The following PRELID2 variants were observed in gnomAD, a reference collection of about 807,000 sequenced individuals.
The protein encoded by PRELID2 is PRELI domain containing 2.
In PRELID2, 25 loss-of-function variants were observed where a neutral mutation model predicts 28.4. The observed-to-expected ratio is 0.88, with a 90% confidence interval of 0.64 to 1.23. The LOEUF (loss-of-function observed/expected upper bound fraction) is 1.23. PRELID2 is among the 50% of genes most tolerant of loss of function. PRELID2 has a pLI of 0.00. For missense variants in PRELID2, 201 were observed against 214.4 expected, an observed-to-expected ratio of 0.94 and a Z score of 0.39; for synonymous variants, 76 against 71.6, an observed-to-expected ratio of 1.06 and a Z score of -0.31.
chr5:145,475,246 T>C (rs1752090033), intron 1 of PRELID2, among the ~76,000 whole-genome samples: 1 of 152,228 alleles, frequency 6.6e-6, no homozygotes. Context: ...GAGGCCAACA[T>C]TCAAGTGATC....
intron 4 of PRELID2, among the ~76,000 whole-genome samples, chr5:145,811,313 G>C (rs140272768): frequency 6.6e-6 from 1 of 152,020 alleles, no homozygotes; most frequent in East Asian, 1.9e-4. Flanking sequence ...ACCATATCAG[G>C]GGTCTTGCTC....
At chr5:145,229,312 G>T in the PRELID2 span, 2 of 745,952 alleles carry the variant, frequency 2.7e-6, no homozygotes, top group Non-Finnish European at 5.0e-6. Context: ...AATATGCAAA[G>T]CAACACGGGA....
chr5:145,680,937 G>A (rs1754920308), intron 1 of PRELID2, among the ~76,000 whole-genome samples: 1 of 152,210 alleles, frequency 6.6e-6, no homozygotes, highest in South Asian at 2.1e-4. Flanking sequence ...TTTATGAGGA[G>A]TTCTGACAGC....
At chr5:145,770,673 C>T (rs10052642) in intron 5 of PRELID2, among the ~76,000 whole-genome samples, 4,909 of 152,220 alleles carry the variant, frequency 0.032, 141 homozygotes, top group African/African-American at 0.068. Flanking sequence ...GATCCTGATT[C>T]TGTGTAGGCC....
chr5:145,339,391 C>T, the PRELID2 span, among the ~76,000 whole-genome samples: 2 of 152,122 alleles, frequency 1.3e-5, no homozygotes, highest in African/African-American at 4.8e-5. Context: ...GCTTCACATT[C>T]CCACCATGGT....
chr5:145,518,256 G>A (rs1326219528), intron 1 of PRELID2, among the ~76,000 whole-genome samples: 1 of 152,036 alleles, frequency 6.6e-6, no homozygotes, highest in African/African-American at 2.4e-5. Flanking sequence ...TTGGAGTGCA[G>A]TGGCACGATC....
chr5:145,515,229 A>T (rs1441873055), intron 1 of PRELID2, among the ~76,000 whole-genome samples: 3 of 152,072 alleles, frequency 2.0e-5, no homozygotes, highest in African/African-American at 4.8e-5. Context: ...TGGTTTTTTG[A>T]AAAGACTAAA....
the PRELID2 span, among the ~76,000 whole-genome samples, chr5:145,265,458 GA>G: frequency 6.6e-6 from 1 of 151,994 alleles, no homozygotes; most frequent in East Asian, 1.9e-4. Flanking sequence ...CACACAACTA[GA>G]AAAAACAATC....
the PRELID2 span, among the ~76,000 whole-genome samples, chr5:145,253,846 A>C: frequency 0.059 from 8,458 of 144,470 alleles, 419 homozygotes; most frequent in African/African-American, 0.16. Context: ...AACAAAAAAA[A>C]CAAAAAAAAA....
intron 1 of PRELID2, among the ~76,000 whole-genome samples, chr5:145,689,868 C>T (rs1755110340): frequency 6.6e-6 from 1 of 152,156 alleles, no homozygotes; most frequent in African/African-American, 2.4e-5. Flanking sequence ...TCTCCATTTA[C>T]TACTCCCAGT....
the PRELID2 span, among the ~76,000 whole-genome samples, chr5:145,316,847 C>T: frequency 1.3e-5 from 2 of 152,202 alleles, no homozygotes; most frequent in African/African-American, 4.8e-5. Flanking sequence ...TCTTTGCTAA[C>T]ATGTATATAT....
chr5:145,682,728 T>C (rs760268118), intron 1 of PRELID2, among the ~76,000 whole-genome samples: 2 of 152,176 alleles, frequency 1.3e-5, no homozygotes, highest in Admixed American at 6.5e-5. Flanking sequence ...GCTCCCTTCC[T>C]GAGGCCACAT....
intron 2 of PRELID2, among the ~76,000 whole-genome samples, chr5:145,820,394 T>G (rs577447404): frequency 2.0e-5 from 3 of 152,206 alleles, no homozygotes; most frequent in African/African-American, 7.2e-5. Context: ...CACACTCCAA[T>G]GTCAAGGATG....
chr5:145,492,809 T>A lies in PRELID2; in HGVS notation n.71-19494A>T, dbSNP rs559115915. ...CCCAGAAGTGGTGCAGGCCAGAGAT[T>A]GAGTCCACCACACAAGGCTGAAGCC... On this transcript the variant is annotated intron_variant and non_coding_transcript_variant, in intron 1 of 2. Coordinates refer to the PRELID2 transcript ENST00000510259. Among the ~76,000 whole-genome samples, 2 of 140,650 alleles carry A rather than the reference T, an allele frequency of 1.4e-5. 1 individual carries two copies. The highest frequency in any genetic ancestry group is 5.3e-4 in the South Asian group (2 of 3,764). 92.3% of individuals were successfully genotyped at this position (140,650 alleles called of 152,430 possible). A position where few individuals can be genotyped will look rare whatever the true frequency, so the allele number is the denominator to read the frequency against.
At chr5:145,698,964 T>C (rs1313204107) in intron 1 of PRELID2, among the ~76,000 whole-genome samples, 1 of 152,156 alleles carries the variant, frequency 6.6e-6, no homozygotes, top group Non-Finnish European at 1.5e-5. Context: ...TGACCTCAGG[T>C]GATCCACCCG....
the PRELID2 span, among the ~76,000 whole-genome samples, chr5:145,316,189 T>C: frequency 1.8e-4 from 28 of 152,218 alleles, no homozygotes; most frequent in African/African-American, 6.8e-4. Flanking sequence ...CTTTTGGGTC[T>C]TTATTGTTTA....
chr5:145,375,258 G>A, the PRELID2 span, among the ~76,000 whole-genome samples: 20 of 152,018 alleles, frequency 1.3e-4, no homozygotes, highest in South Asian at 4.1e-4. Context: ...GTTTGCTGGC[G>A]TTTCACTTCA....
chr5:145,347,626 T>G, the PRELID2 span, among the ~76,000 whole-genome samples: 9 of 152,102 alleles, frequency 5.9e-5, no homozygotes, highest in Admixed American at 1.3e-4. Context: ...TTTTGAGTTT[T>G]GGAGTTTCAG....
At chr5:145,732,816 T>C (rs1292033844) in intron 1 of PRELID2, among the ~76,000 whole-genome samples, 1 of 152,092 alleles carries the variant, frequency 6.6e-6, no homozygotes, top group African/African-American at 2.4e-5. Flanking sequence ...ATGGGGAGGA[T>C]AGCACAGGGG....
Sources: gnomAD v4.1 joint callset for allele counts (sites outside exome capture counted in the v4.1 genomes callset) on GRCh38, gnomAD v4.1.1 for gene constraint, MANE v1.5 for transcripts, NCBI Gene and HGNC (gene_info 2026-07-23, HGNC 2026-07-21) for gene names.